Variants in LTBP1 observed in about 807,000 individuals in gnomAD.
LTBP1 encodes latent transforming growth factor beta binding protein 1, also known as latent-transforming growth factor beta-binding protein 1.
Under a neutral mutation model 207.6 loss-of-function variants are expected in LTBP1, and 129 were observed. The ratio of observed to expected loss-of-function variants is 0.62; its 90% CI spans 0.54 to 0.72. The LOEUF is 0.72. Ranked by LOEUF, LTBP1 falls within the 30% of genes least tolerant of loss-of-function variation. The pLI is 0.00. For synonymous variants in LTBP1, 963 were observed against 833.7 expected (o/e 1.16, Z -2.67); for missense variants, 2,281 against 2,217.2 (o/e 1.03, Z -0.58).
chr2:33,147,371 C>T (rs1302095506), intron 5 of LTBP1, among the ~76,000 whole-genome samples: 4 of 152,148 alleles, frequency 2.6e-5, no homozygotes, highest in African/African-American at 9.7e-5. Flanking sequence ...AATCAGAATT[C>T]TGGGTAGAGC....
chr2:33,104,386 G>A (rs1484764368), intron 3 of LTBP1, among the ~76,000 whole-genome samples: 1 of 152,064 alleles, frequency 6.6e-6, no homozygotes, highest in Non-Finnish European at 1.5e-5. Context: ...CACATAATAT[G>A]CAGTCATATT....
At chr2:33,245,382 T>C (rs901317484) in intron 10 of LTBP1, among the ~76,000 whole-genome samples, 5 of 152,226 alleles carry the variant, frequency 3.3e-5, no homozygotes, top group African/African-American at 1.2e-4. Context: ...AAAATAAAAA[T>C]GACAGTCTCA....
At chr2:33,117,985 C>A (rs1462381879) in intron 4 of LTBP1, among the ~76,000 whole-genome samples, 1 of 152,052 alleles carries the variant, frequency 6.6e-6, no homozygotes, top group Non-Finnish European at 1.5e-5. Flanking sequence ...GAAGAGAGAA[C>A]AGAAGCAGCA....
chr2:32,962,747 G>A (rs1055588763), intron 2 of LTBP1, among the ~76,000 whole-genome samples: 12 of 152,190 alleles, frequency 7.9e-5, no homozygotes, highest in African/African-American at 2.4e-4. Flanking sequence ...TGCTTGAATG[G>A]CACCTCACAG....
intron 19 of LTBP1, among the ~76,000 whole-genome samples, chr2:33,281,229 A>G (rs1479186944): frequency 6.6e-6 from 1 of 152,168 alleles, no homozygotes; most frequent in Non-Finnish European, 1.5e-5. Context: ...GATAAATGCA[A>G]ACTCACAGAT....
intron 2 of LTBP1, among the ~76,000 whole-genome samples, chr2:32,998,018 C>G (rs1685542669): frequency 1.3e-5 from 2 of 152,130 alleles, no homozygotes; most frequent in African/African-American, 4.8e-5. Flanking sequence ...GTTATCAGTA[C>G]CAGAAAGGCT....
intron 24 of LTBP1, among the ~76,000 whole-genome samples, chr2:33,316,489 G>T (rs1189641674): frequency 6.6e-6 from 1 of 152,170 alleles, no homozygotes; most frequent in Non-Finnish European, 1.5e-5. Flanking sequence ...GCAGAAGATT[G>T]TTGAAATTAC....
chr2:32,961,123 A>G lies in LTBP1; in HGVS notation c.565+12178A>G, dbSNP rs1679041367. The stretch of plus-strand genomic sequence containing the variant: ...AATTCATTAGATCACTTTGATTGCT[A>G]TTTTTTATTGATGAGAAAAACTGCA... On this transcript the variant is annotated intron_variant, in intron 2 of 33. Coordinates refer to ENST00000404816, the MANE Select transcript of LTBP1 (RefSeq NM_206943.4). Among the ~76,000 whole-genome samples the G allele has an allele frequency of 2.0e-5, 3 of 152,184 alleles. No individual in the cohort carries two copies. The South Asian group carries it at 6.2e-4, about 32-fold the overall frequency.
At chr2:33,120,034 T>G (rs551978267) in intron 4 of LTBP1, among the ~76,000 whole-genome samples, 1 of 152,058 alleles carries the variant, frequency 6.6e-6, no homozygotes, top group Non-Finnish European at 1.5e-5. Flanking sequence ...AATACATGAC[T>G]GGAGAACAAC....
intron 2 of LTBP1, among the ~76,000 whole-genome samples, chr2:32,993,091 G>A (rs1199071440): frequency 1.3e-5 from 2 of 152,132 alleles, no homozygotes; most frequent in Non-Finnish European, 2.9e-5. Flanking sequence ...GGCAGCGGGG[G>A]GATGCTGGGC....
chr2:33,091,731 C>T (rs2079104895), intron 3 of LTBP1, among the ~76,000 whole-genome samples: 4 of 152,174 alleles, frequency 2.6e-5, no homozygotes, highest in Non-Finnish European at 2.9e-5. Context: ...GAAGGAAGTT[C>T]TGTGTTCTCA....
chr2:33,080,059 C>T (rs1401891897), intron 3 of LTBP1, among the ~76,000 whole-genome samples: 2 of 152,280 alleles, frequency 1.3e-5, no homozygotes. Flanking sequence ...CAGAGTCCCC[C>T]TCTGTCACCC....
chr2:33,066,549 A>G (rs2077520665), intron 3 of LTBP1, among the ~76,000 whole-genome samples: 1 of 152,154 alleles, frequency 6.6e-6, no homozygotes, highest in Admixed American at 6.5e-5. Context: ...TGGAGTATGG[A>G]TTATTTTGTT....
At chr2:33,140,489 A>G (rs576849294) in intron 5 of LTBP1, among the ~76,000 whole-genome samples, 2 of 152,326 alleles carry the variant, frequency 1.3e-5, no homozygotes, top group African/African-American at 4.8e-5. Context: ...AGATGTTTCA[A>G]TACAATAGTA....
chr2:33,135,089 T>C, intron 5 of LTBP1, 129 bp downstream of exon 5: 1 of 951,618 alleles, frequency 1.1e-6, no homozygotes, highest in Non-Finnish European at 1.5e-6. Flanking sequence ...ACGAGTATGT[T>C]TCTTTCATGG....
At chr2:33,021,469 T>C in intron 3 of LTBP1, among the ~76,000 whole-genome samples, 1 of 152,336 alleles carries the variant, frequency 6.6e-6, no homozygotes, top group Non-Finnish European at 1.5e-5. Context: ...GGATCAAGAC[T>C]GGAAGGGAAT....
intron 5 of LTBP1, among the ~76,000 whole-genome samples, chr2:33,142,306 C>G (rs1181012839): frequency 6.6e-6 from 1 of 152,154 alleles, no homozygotes; most frequent in African/African-American, 2.4e-5. Flanking sequence ...CCGCCCGCCT[C>G]GGCCTCCCAA....
chr2:33,201,534 C>T (rs1000410727), intron 7 of LTBP1, among the ~76,000 whole-genome samples: 9 of 151,504 alleles, frequency 5.9e-5, no homozygotes, highest in Admixed American at 1.3e-4. Context: ...TGCTAAATAA[C>T]GAGTTAATGG....
chr2:33,081,068 G>T (rs140049930), intron 3 of LTBP1, among the ~76,000 whole-genome samples: 1 of 152,172 alleles, frequency 6.6e-6, no homozygotes, highest in Admixed American at 6.5e-5. Context: ...GAACTTTTGT[G>T]TGGAAGTATG....
Sources: gnomAD v4.1 joint callset for allele counts (sites outside exome capture counted in the v4.1 genomes callset) on GRCh38, gnomAD v4.1.1 for gene constraint, MANE v1.5 for transcripts, NCBI Gene and HGNC (gene_info 2026-07-23, HGNC 2026-07-21) for gene names.